Variants in SLC9C1 observed in about 807,000 individuals in gnomAD.
SLC9C1 encodes the protein solute carrier family 9 member C1, also known as sodium/hydrogen exchanger 10.
Under a neutral mutation model 140.9 loss-of-function variants are expected in SLC9C1, and 97 were observed. The observed-to-expected ratio is 0.69, with a 90% CI of 0.58 to 0.82. SLC9C1 has a LOEUF of 0.82. Among genes scored for constraint, SLC9C1 ranks in the 40% least tolerant of loss-of-function variants. SLC9C1 has a pLI of 0.00. For missense variants in SLC9C1, 1,340 were observed against 1,389.3 expected (o/e 0.96, Z 0.56); for synonymous variants, 440 against 442.6 (o/e 0.99, Z 0.07).
intron 13 of SLC9C1, among the ~76,000 whole-genome samples, chr3:112,227,620 C>T (rs1235997176): frequency 2.0e-5 from 3 of 151,954 alleles, no homozygotes; most frequent in Non-Finnish European, 2.9e-5. Context: ...AATCCACAGC[C>T]AAAATCATAC....
intron 27 of SLC9C1, among the ~76,000 whole-genome samples, chr3:112,154,031 G>T (rs1275160555): frequency 2.0e-5 from 3 of 152,154 alleles, no homozygotes; most frequent in African/African-American, 7.2e-5. Flanking sequence ...ACTTATCACA[G>T]AACTTATGAT....
At chr3:112,289,583 T>C (rs1490359497) in intron 1 of SLC9C1, among the ~76,000 whole-genome samples, 1 of 152,192 alleles carries the variant, frequency 6.6e-6, no homozygotes, top group Non-Finnish European at 1.5e-5. Flanking sequence ...CTTTGTCTGA[T>C]GTTGATGTTC....
Position 112,264,291 on chromosome 3 carries a change from C to A in SLC9C1, c.931G>T (p.Gly311Ter). 6.7e-7 allele frequency: 1 copy of A among 1,483,130 alleles called. No homozygotes were observed. Among genetic ancestry groups the A allele is most frequent in the Non-Finnish European group, 9.0e-7 (1 of 1,115,448 alleles). The allele number at this position is 1,483,130 out of a possible 1,614,324, so 91.9% of individuals were successfully genotyped here. The change falls in exon 9 of 29, where the codon GGA becomes TGA. Residue 311 changes from glycine to a stop codon, truncating the protein, a stop_gained. Coordinates refer to ENST00000305815, the MANE Select transcript of SLC9C1 (RefSeq NM_183061.3). LOFTEE classifies it high-confidence loss of function. ...TATGTATGTGCAGGAATTAGAAGTC[C>A]AAAGAAAGTAAACACCATGAGAAAA... is the stretch of plus-strand genomic sequence containing the variant. Reference protein sequence around the residue: ...IAFLMVFTFFGLLIPAHTYLY... With the variant: ...IAFLMVFTFF
rs752682486 is a variant in SLC9C1 at position 112,217,540 on chromosome 3, T to C, written c.1692A>G (p.Ile564Met). 12 of 1,603,110 alleles carry C rather than the reference T, an allele frequency of 7.5e-6. No individual in the cohort carries two copies. The highest frequency in any genetic ancestry group is 1.0e-5 in the Non-Finnish European group (12 of 1,175,096). ...TTTTTTGGCTTTCAGAATAATTCTT[T>C]ATTGTATCAAGACTCATACATCTAG... ...KKGKCMSLDT[I>M]KNYSESQKTV... The change falls in exon 15 of 29, where the codon ATA becomes ATG. Residue 564 changes from isoleucine to methionine, a missense_variant. By Grantham distance (10) the Ile-to-Met change is conservative. Transcript: ENST00000305815.
chr3:112,281,830 C>T (rs549427494), intron 2 of SLC9C1, among the ~76,000 whole-genome samples: 2 of 152,184 alleles, frequency 1.3e-5, no homozygotes, highest in South Asian at 2.1e-4. Context: ...AGAATGGTGA[C>T]TTAATTGATG....
intron 6 of SLC9C1, among the ~76,000 whole-genome samples, chr3:112,274,384 G>A (rs934774999): frequency 6.6e-6 from 1 of 152,028 alleles, no homozygotes; most frequent in Non-Finnish European, 1.5e-5. Flanking sequence ...ATCTGAAAGC[G>A]GTAAATGAAA....
At chr3:112,274,035 C>A (rs2080147818) in intron 6 of SLC9C1, among the ~76,000 whole-genome samples, 1 of 152,036 alleles carries the variant, frequency 6.6e-6, no homozygotes, top group Non-Finnish European at 1.5e-5. Flanking sequence ...CGCAAGTGCA[C>A]CACAATAAAA....
intron 7 of SLC9C1, among the ~76,000 whole-genome samples, chr3:112,269,003 TGATA>T (rs1483985497): frequency 6.6e-6 from 1 of 152,246 alleles, no homozygotes; most frequent in Non-Finnish European, 1.5e-5. Flanking sequence ...TTAATAACAT[TGATA>T]GATACTCTAA....
intron 20 of SLC9C1, among the ~76,000 whole-genome samples, chr3:112,188,600 G>A (rs931165908): frequency 6.6e-6 from 1 of 152,188 alleles, no homozygotes; most frequent in Non-Finnish European, 1.5e-5. Flanking sequence ...ATTCCATGGT[G>A]TATATGTGCC....
intron 15 of SLC9C1, among the ~76,000 whole-genome samples, chr3:112,211,114 C>G (rs1301776608): frequency 6.6e-6 from 1 of 152,128 alleles, no homozygotes; most frequent in East Asian, 1.9e-4. Context: ...TGAGCATTTT[C>G]TATGACTGTA....
intron 15 of SLC9C1, among the ~76,000 whole-genome samples, chr3:112,209,270 C>T (rs2078137850): frequency 6.6e-6 from 1 of 152,114 alleles, no homozygotes; most frequent in South Asian, 2.1e-4. Flanking sequence ...CTCACATTGC[C>T]AGGGCCCTCC....
chr3:112,282,366 C>T (rs1282872975), intron 2 of SLC9C1, among the ~76,000 whole-genome samples: 1 of 137,452 alleles, frequency 7.3e-6, no homozygotes, highest in Non-Finnish European at 1.7e-5. Context: ...ATGCTCAAGG[C>T]ATTTTGCTTG....
chr3:112,181,390 A>G (rs2077436681), intron 21 of SLC9C1, among the ~76,000 whole-genome samples: 1 of 152,218 alleles, frequency 6.6e-6, no homozygotes, highest in South Asian at 2.1e-4. Flanking sequence ...CATTTATTCA[A>G]AATGTTTAAT....
chr3:112,146,451 G>A (rs1259647745), intron 28 of SLC9C1, among the ~76,000 whole-genome samples: 2 of 152,132 alleles, frequency 1.3e-5, no homozygotes, highest in Non-Finnish European at 2.9e-5. Flanking sequence ...GGCATTTAGT[G>A]TTATAAACTT....
chr3:112,214,486 C>A (rs1358550338), intron 15 of SLC9C1, among the ~76,000 whole-genome samples: 1 of 151,648 alleles, frequency 6.6e-6, no homozygotes, highest in African/African-American at 2.4e-5. Flanking sequence ...GAGGAAAAGA[C>A]AAAAGAATCA....
intron 10 of SLC9C1, among the ~76,000 whole-genome samples, chr3:112,244,867 T>C (rs7616261): frequency 0.59 from 89,872 of 151,940 alleles, 27,104 homozygotes; most frequent in East Asian, 0.79. Context: ...ATATTGGTAC[T>C]CAGGAGGTCC....
At chr3:112,266,110 G>A (rs1375822752) in intron 8 of SLC9C1, 128 bp downstream of exon 8, 8 of 688,262 alleles carry the variant, frequency 1.2e-5, no homozygotes, top group Non-Finnish European at 4.8e-6. Flanking sequence ...TCTAGGAAAG[G>A]TTTTTAGTTG....
intron 12 of SLC9C1, among the ~76,000 whole-genome samples, chr3:112,234,520 G>T (rs2078928367): frequency 6.6e-6 from 1 of 152,114 alleles, no homozygotes; most frequent in East Asian, 1.9e-4. Flanking sequence ...TGTTGCCATT[G>T]CTTTTGGTGT....
chr3:112,197,356 G>C (rs979199844), intron 20 of SLC9C1, among the ~76,000 whole-genome samples: 2 of 152,126 alleles, frequency 1.3e-5, no homozygotes, highest in African/African-American at 4.8e-5. Context: ...CAATCACAAT[G>C]GTTTCCACCT....
Sources: allele counts gnomAD v4.1 joint callset (sites outside exome capture counted in the v4.1 genomes callset), GRCh38; gene constraint gnomAD v4.1.1; transcripts MANE v1.5; gene names NCBI Gene and HGNC (gene_info 2026-07-23, HGNC 2026-07-21).